FAP: variants seen among roughly 807,000 people sequenced by gnomAD.
The protein encoded by FAP is prolyl endopeptidase FAP.
FAP carries 110 observed loss-of-function variants against 126.5 expected under a neutral mutation model. The observed-to-expected ratio is 0.87, with a 90% CI of 0.74 to 1.02. The LOEUF (loss-of-function observed/expected upper bound fraction) is 1.02, where lower values mean the gene tolerates loss of function less well. Ranked by LOEUF, FAP falls within the 50% of genes least tolerant of loss-of-function variation. The pLI is 0.00. For missense variants in FAP, 919 were observed against 909.2 expected, an observed-to-expected ratio of 1.01 and a Z score of -0.14; for synonymous variants, 334 against 297.3, an observed-to-expected ratio of 1.12 and a Z score of -1.27.
rs773262567 is a variant in FAP at position 162,198,746 on chromosome 2, C to A, written c.1402+11G>T. ...TGGGGATGCTGTGCTTATGTGAGGT[C>A]CGTTACCTACCGTAGCAGACAAGTG... On this transcript the variant is annotated intron_variant, in intron 16 of 25. Transcript: ENST00000188790. The A allele has an allele frequency of 2.6e-5, 42 of 1,613,724 alleles. No homozygotes were observed. The South Asian group carries it at 4.4e-4, about 17-fold the overall frequency.
intron 16 of FAP, among the ~76,000 whole-genome samples, chr2:162,195,856 A>T (rs1250666426): frequency 1.3e-5 from 2 of 151,724 alleles, no homozygotes; most frequent in Non-Finnish European, 2.9e-5. Context: ...TTCATTTGCC[A>T]CCCCACCCCC....
intron 16 of FAP, among the ~76,000 whole-genome samples, chr2:162,196,083 C>A (rs925053822): frequency 6.6e-5 from 10 of 152,026 alleles, no homozygotes; most frequent in African/African-American, 2.4e-4. Context: ...AGTGCCAAGC[C>A]CCATGGAGGA....
chr2:162,220,979 G>A (rs533525110), intron 6 of FAP, among the ~76,000 whole-genome samples: 1 of 152,284 alleles, frequency 6.6e-6, no homozygotes, highest in South Asian at 2.1e-4. Context: ...ACATGTGCCT[G>A]ACATTTCTGC....
At chr2:162,207,632 C>A (rs1236335068) in intron 12 of FAP, among the ~76,000 whole-genome samples, 1 of 151,034 alleles carries the variant, frequency 6.6e-6, no homozygotes, top group Non-Finnish European at 1.5e-5. Flanking sequence ...GTGGCTCATG[C>A]CATTTAGTTG....
intron 7 of FAP, among the ~76,000 whole-genome samples, 188 bp downstream of exon 7, chr2:162,219,665 A>C (rs1689302552): frequency 6.6e-6 from 1 of 152,194 alleles, no homozygotes; most frequent in South Asian, 2.1e-4. Flanking sequence ...AAGTCTATCC[A>C]TGAGCTTGAG....
intron 10 of FAP, among the ~76,000 whole-genome samples, chr2:162,214,934 C>A (rs910986893): frequency 5.9e-5 from 9 of 152,112 alleles, no homozygotes; most frequent in Non-Finnish European, 1.2e-4. Context: ...ACGTTTGCTA[C>A]TACTATTTTA....
chr2:162,200,738 G>C (rs982876656), intron 14 of FAP, 119 bp from the exon 15 acceptor site: 1 of 522,568 alleles, frequency 1.9e-6, no homozygotes, highest in Non-Finnish European at 3.4e-6. Context: ...CAATTAATTG[G>C]TGCTTAAGTA....
intron 12 of FAP, among the ~76,000 whole-genome samples, chr2:162,207,979 CA>C (rs1170012294): frequency 2.0e-5 from 3 of 150,762 alleles, no homozygotes; most frequent in Non-Finnish European, 4.4e-5. Context: ...ACAGCTGGGC[CA>C]GGGGCGGTGG....
intron 16 of FAP, among the ~76,000 whole-genome samples, chr2:162,196,775 G>A (rs1184810287): frequency 6.6e-6 from 1 of 152,104 alleles, no homozygotes; most frequent in African/African-American, 2.4e-5. Flanking sequence ...AAGATTTCAA[G>A]GTTTTTCCTA....
intron 21 of FAP, chr2:162,175,830 C>T (rs375956001): frequency 4.6e-5 from 7 of 152,064 alleles, no homozygotes; most frequent in South Asian, 4.1e-4. Flanking sequence ...TGCACTGCCT[C>T]GTGAGAAGCA....
chr2:162,219,967 T>A (rs1414164857), intron 6 of FAP, 42 bp from the exon 7 acceptor site: 1 of 1,350,740 alleles, frequency 7.4e-7, no homozygotes, highest in East Asian at 2.3e-5. Context: ...ACCTTGCTGT[T>A]TAATGCAAAA....
chr2:162,203,139 C>T lies in FAP; in HGVS notation c.1054G>A (p.Val352Ile), dbSNP rs1449571175. 1.2e-6 allele frequency: 2 copies of T among 1,605,862 alleles called. No individual in the cohort carries two copies. The highest frequency in any genetic ancestry group is 3.4e-5 in the Admixed American group (2 of 59,476). ...SRTGWAGGFF[V>I]STPVFSYDAI... ...TCATAGCTGAAAACTGGTGTTGAAA[C>T]AAAGAACTGAAAAAAATTAGCAGAG... is the stretch of plus-strand genomic sequence containing the variant. Residue 352 changes from valine (V) to isoleucine (I), a missense_variant, in exon 13 of 26, where the codon GTT becomes ATT. Coordinates refer to ENST00000188790, the MANE Select transcript of FAP (RefSeq NM_004460.5).
chr2:162,205,283 T>C (rs997044147), intron 12 of FAP, among the ~76,000 whole-genome samples: 1 of 152,244 alleles, frequency 6.6e-6, no homozygotes, highest in Non-Finnish European at 1.5e-5. Flanking sequence ...GTTTCATTAA[T>C]AATAAGACCA....
chr2:162,224,187 T>C (rs932277885), intron 5 of FAP, among the ~76,000 whole-genome samples: 3 of 152,196 alleles, frequency 2.0e-5, no homozygotes, highest in Non-Finnish European at 2.9e-5. Flanking sequence ...ATTTAGCTTA[T>C]AATTCTTCTT....
chr2:162,209,694 T>C (rs918958600), intron 12 of FAP: 5 of 433,246 alleles, frequency 1.2e-5, no homozygotes, highest in African/African-American at 1.0e-4. Flanking sequence ...ATATTAGTTA[T>C]AGATACCAAG....
chr2:162,188,041 G>T, intron 20 of FAP, 128 bp downstream of exon 20: 2 of 709,612 alleles, frequency 2.8e-6, no homozygotes, highest in South Asian at 2.4e-5. Context: ...TTTAAGATTA[G>T]TGATAGTTTT....
intron 2 of FAP, among the ~76,000 whole-genome samples, chr2:162,236,418 C>A (rs1690131631): frequency 6.7e-6 from 1 of 149,926 alleles, no homozygotes; most frequent in Admixed American, 6.6e-5. Context: ...TCAGTGAAGC[C>A]ATCTGAGCTT....
chr2:162,202,933 T>C lies in FAP; in HGVS notation c.1162A>G (p.Ile388Val). ...TCCCACTTGCCACTTGTAATTTGAA[T>C]AGCATTTTCCTATAAAAAGACAAAC... ...HYIKDTVENA[I>V]QITSGKWEAI... Residue 388 changes from isoleucine (I) to valine (V), a missense_variant, in exon 14 of 26, where the codon ATT becomes GTT. Physicochemically the swap from Ile to Val is conservative, Grantham distance 29. Transcript: ENST00000188790. 6.2e-7 allele frequency: 1 copy of C among 1,613,522 alleles called. No individual in the cohort carries two copies. Among genetic ancestry groups the C allele is most frequent in the Non-Finnish European group, 8.5e-7 (1 of 1,179,430 alleles).
intron 2 of FAP, among the ~76,000 whole-genome samples, chr2:162,232,892 A>C (rs1300977631): frequency 1.3e-5 from 2 of 152,180 alleles, no homozygotes; most frequent in Admixed American, 1.3e-4. Flanking sequence ...AGCCTTGTTT[A>C]TTTTTGAAGA....
Sources: gnomAD v4.1 joint callset for allele counts (sites outside exome capture counted in the v4.1 genomes callset) on GRCh38, gnomAD v4.1.1 for gene constraint, MANE v1.5 for transcripts, NCBI Gene and HGNC (gene_info 2026-07-23, HGNC 2026-07-21) for gene names.